Variants in AGBL4 observed in about 807,000 individuals in gnomAD.
AGBL4 encodes AGBL carboxypeptidase 4, also known as cytosolic carboxypeptidase 6.
A neutral mutation model predicts 66.4 loss-of-function variants in AGBL4; 58 were observed. The observed-to-expected ratio is 0.87, with a 90% CI of 0.71 to 1.09. AGBL4 has a LOEUF of 1.09. Among genes scored for constraint, AGBL4 ranks in the 50% least tolerant of loss-of-function variants. AGBL4 has a pLI of 0.00. For missense variants in AGBL4, 579 were observed against 631.0 expected (o/e 0.92, Z 0.88); for synonymous variants, 234 against 222.9 (o/e 1.05, Z -0.44).
At chr1:49,326,989 C>G (rs955974961) in intron 3 of AGBL4, among the ~76,000 whole-genome samples, 1 of 152,118 alleles carries the variant, frequency 6.6e-6, no homozygotes, top group African/African-American at 2.4e-5. Context: ...GCGTTTCTGG[C>G]TTGTGGCTCC....
chr1:49,066,141 T>C (rs1355725538), intron 4 of AGBL4, among the ~76,000 whole-genome samples: 1 of 152,162 alleles, frequency 6.6e-6, no homozygotes, highest in African/African-American at 2.4e-5. Context: ...TAATGGAAGA[T>C]TCACGTGAGA....
At chr1:49,899,720 G>C (rs1301588996) in intron 1 of AGBL4, among the ~76,000 whole-genome samples, 2 of 152,030 alleles carry the variant, frequency 1.3e-5, no homozygotes, top group Non-Finnish European at 2.9e-5. Flanking sequence ...TTATTTAATT[G>C]GTGTCGTACA....
intron 3 of AGBL4, among the ~76,000 whole-genome samples, chr1:49,387,460 C>T (rs529835572): frequency 8.6e-5 from 13 of 151,434 alleles, no homozygotes; most frequent in African/African-American, 1.5e-4. Context: ...AAAAACAGAC[C>T]GGGAAATGAA....
chr1:49,276,636 T>A (rs1644173247), intron 3 of AGBL4, among the ~76,000 whole-genome samples: 1 of 152,162 alleles, frequency 6.6e-6, no homozygotes, highest in African/African-American at 2.4e-5. Flanking sequence ...CCATCTATTC[T>A]CTCTGAGAGC....
chr1:48,847,610 A>C (rs1196020254), intron 6 of AGBL4, among the ~76,000 whole-genome samples: 1 of 152,168 alleles, frequency 6.6e-6, no homozygotes, highest in Non-Finnish European at 1.5e-5. Context: ...AAGTACTTTG[A>C]AGGAGACCCT....
intron 6 of AGBL4, among the ~76,000 whole-genome samples, chr1:48,735,267 G>A (rs1648837487): frequency 1.3e-5 from 2 of 152,160 alleles, no homozygotes; most frequent in Non-Finnish European, 2.9e-5. Flanking sequence ...AGAGTAACTA[G>A]TTGTTTTTGT....
In AGBL4 at chr1:49,882,016, T is replaced by A. The variant is rs562116884; in HGVS notation, c.35-30498A>T. ...GGTTTTCTTCTAGGGTTTTTATGGT[T>A]TTAGGTCTAACGTTTAAGTCTTTAA... On this transcript the variant is annotated intron_variant, in intron 1 of 13. Transcript: ENST00000371839. Among the ~76,000 whole-genome samples, 52 of 152,246 alleles carry A rather than the reference T, an allele frequency of 3.4e-4. 1 individual carries two copies. In the South Asian group the frequency reaches 9.5e-3, roughly 28 times the overall value.
At chr1:48,700,545 G>T (rs188538381) in intron 6 of AGBL4, among the ~76,000 whole-genome samples, 12 of 152,332 alleles carry the variant, frequency 7.9e-5, no homozygotes, top group Admixed American at 5.2e-4. Flanking sequence ...GAGAAAGGCA[G>T]TGTGTGGACC....
intron 6 of AGBL4, among the ~76,000 whole-genome samples, chr1:48,695,881 C>T (rs2148499042): frequency 6.6e-6 from 1 of 152,166 alleles, no homozygotes; most frequent in South Asian, 2.1e-4. Context: ...ACCCCTAAAC[C>T]TCCTACACCC....
intron 2 of AGBL4, among the ~76,000 whole-genome samples, chr1:49,734,853 T>C (rs1649739731): frequency 6.6e-6 from 1 of 152,066 alleles, no homozygotes; most frequent in South Asian, 2.1e-4. Flanking sequence ...ACTTATATTA[T>C]TTTATTTCAA....
chr1:49,725,741 G>A (rs758846529), intron 2 of AGBL4, among the ~76,000 whole-genome samples: 69 of 142,688 alleles, frequency 4.8e-4, no homozygotes, highest in Admixed American at 2.7e-3. Flanking sequence ...CTGGAGTGCA[G>A]AGGCGCGATC....
At chr1:49,620,984 A>G (rs193168855) in intron 3 of AGBL4, among the ~76,000 whole-genome samples, 26 of 152,212 alleles carry the variant, frequency 1.7e-4, no homozygotes, top group African/African-American at 6.0e-4. Context: ...TGGACAACCC[A>G]TTATTTTACT....
intron 3 of AGBL4, among the ~76,000 whole-genome samples, chr1:49,557,678 T>C (rs1643937622): frequency 6.6e-6 from 1 of 152,050 alleles, no homozygotes; most frequent in Non-Finnish European, 1.5e-5. Flanking sequence ...TCTGGGTCTC[T>C]AAGTAAACAT....
intron 3 of AGBL4, among the ~76,000 whole-genome samples, chr1:49,595,794 C>T (rs1350296714): frequency 2.0e-5 from 3 of 152,130 alleles, no homozygotes; most frequent in Admixed American, 2.0e-4. Flanking sequence ...TTGTCAGCAA[C>T]AAGATATTTA....
intron 6 of AGBL4, among the ~76,000 whole-genome samples, chr1:48,865,687 G>T (rs756443682): frequency 6.6e-6 from 1 of 152,112 alleles, no homozygotes; most frequent in Non-Finnish European, 1.5e-5. Context: ...AGAGCCTGAA[G>T]ATTTCCCCCT....
chr1:49,028,369 C>G (rs1334537549), intron 5 of AGBL4, among the ~76,000 whole-genome samples: 2 of 152,132 alleles, frequency 1.3e-5, no homozygotes, highest in African/African-American at 2.4e-5. Flanking sequence ...GCGATTAATA[C>G]AGGGTAATAG....
chr1:49,908,431 C>G (rs370240451), intron 1 of AGBL4, among the ~76,000 whole-genome samples: 10 of 152,116 alleles, frequency 6.6e-5, no homozygotes, highest in Non-Finnish European at 1.2e-4. Context: ...ACTCGGCACC[C>G]TCCTCCCCCT....
At chr1:49,254,402 A>T (rs1435355230) in intron 3 of AGBL4, among the ~76,000 whole-genome samples, 1 of 152,142 alleles carries the variant, frequency 6.6e-6, no homozygotes, top group Non-Finnish European at 1.5e-5. Context: ...CAGGAATGTA[A>T]TCCCATTTAC....
intron 4 of AGBL4, among the ~76,000 whole-genome samples, chr1:49,079,367 C>A (rs1473511341): frequency 6.6e-6 from 1 of 152,096 alleles, no homozygotes; most frequent in Non-Finnish European, 1.5e-5. Flanking sequence ...TGCCACATGC[C>A]TGGGGAGGCC....
Sources: gnomAD v4.1 joint callset for allele counts (sites outside exome capture counted in the v4.1 genomes callset) on GRCh38, gnomAD v4.1.1 for gene constraint, MANE v1.5 for transcripts, NCBI Gene and HGNC (gene_info 2026-07-23, HGNC 2026-07-21) for gene names.